Variants in SPNS2 observed in about 807,000 individuals in gnomAD.
SPNS2 encodes sphingosine-1-phosphate transporter SPNS2.
SPNS2 carries 37 observed loss-of-function variants against 57.6 expected under a neutral mutation model. The observed-to-expected ratio is 0.64, with a 90% confidence interval of 0.49 to 0.85. The LOEUF (loss-of-function observed/expected upper bound fraction) is 0.85. SPNS2 is among the 40% of genes least tolerant of loss of function. The pLI, the probability that SPNS2 is intolerant of heterozygous loss-of-function variation, is 0.00. For synonymous variants in SPNS2, 440 were observed against 346.9 expected, an observed-to-expected ratio of 1.27 and a Z score of -2.98; for missense variants, 831 against 779.1, an observed-to-expected ratio of 1.07 and a Z score of -0.79.
chr17:4,513,936 C>T (rs1239647255), intron 2 of SPNS2, among the ~76,000 whole-genome samples: 2 of 152,250 alleles, frequency 1.3e-5, no homozygotes, highest in Non-Finnish European at 2.9e-5. Context: ...CCTGAGCCCC[C>T]AGGCTGCTGG....
intron 1 of SPNS2, among the ~76,000 whole-genome samples, chr17:4,500,532 T>C (rs1416422488): frequency 6.6e-6 from 1 of 152,088 alleles, no homozygotes; most frequent in African/African-American, 2.4e-5. Flanking sequence ...CCTGGCATGC[T>C]GGCCCAGAAC....
intron 3 of SPNS2, among the ~76,000 whole-genome samples, chr17:4,528,878 A>G (rs558631512): frequency 3.4e-4 from 52 of 151,706 alleles, no homozygotes; most frequent in African/African-American, 8.5e-4. Flanking sequence ...GGCTCAACTG[A>G]TCCTCCTGTC....
chr17:4,499,460 C>T lies in SPNS2; in HGVS notation c.370+43C>T. On this transcript the variant is annotated intron_variant, in intron 1 of 12. Coordinates refer to ENST00000329078, the MANE Select transcript of SPNS2 (RefSeq NM_001124758.3). This position sits in a 1 kb window ranked among gnomAD's most constrained non-coding sequence, Gnocchi z 5.2. ...CCAGCCCGAGGACCAAGACCCCACC[C>T]CATCCCACCACCCGCCTCGAGGGAG... 8.2e-7 allele frequency: 1 copy of T among 1,218,544 alleles called. No individual in the cohort carries two copies. Among genetic ancestry groups the T allele is most frequent in the Non-Finnish European group, 1.1e-6 (1 of 948,342 alleles). 75.5% of individuals were successfully genotyped at this position (1,218,544 alleles called of 1,614,324 possible).
Position 4,499,437 on chromosome 17 carries a change from A to G in SPNS2, c.370+20A>G. 1.5e-6 allele frequency: 2 copies of G among 1,301,200 alleles called. No individual in the cohort carries two copies. The highest frequency in any genetic ancestry group is 2.0e-5 in the South Asian group (1 of 49,512). The allele number at this position is 1,301,200 out of a possible 1,614,324, so 80.6% of individuals were successfully genotyped here. A position where few individuals can be genotyped will look rare whatever the true frequency, so the allele number is the denominator to read the frequency against. ...TGGCAGGTGAGCGAGTGCCCCACCC[A>G]GCCCGAGGACCAAGACCCCACCCCA... On this transcript the variant is annotated intron_variant, in intron 1 of 12. Transcript: ENST00000329078. This position sits in a 1 kb window ranked among gnomAD's most constrained non-coding sequence, Gnocchi z 5.2.
intron 12 of SPNS2, 91 bp downstream of exon 12, chr17:4,537,037 C>T (rs1409612868): frequency 2.2e-6 from 3 of 1,374,904 alleles, no homozygotes; most frequent in Non-Finnish European, 3.1e-6. Flanking sequence ...TCCAGAGTCA[C>T]CTCCTACCCC....
In SPNS2 at chr17:4,512,098, A is replaced by T. The variant is rs1384727248; in HGVS notation, c.371-1149A>T. Among the ~76,000 whole-genome samples the T allele has an allele frequency of 1.3e-5, 2 of 152,220 alleles. No individual in the cohort carries two copies. The highest frequency in any genetic ancestry group is 4.8e-5 in the African/African-American group (2 of 41,450). Reference sequence around the variant, plus strand: ...AGTTCGGCAAACCATCATCTGTTGAATGCTGCCATCATCATCGTCATCATG... The same window carrying T: ...AGTTCGGCAAACCATCATCTGTTGATTGCTGCCATCATCATCGTCATCATG... On this transcript the variant is annotated intron_variant, in intron 1 of 12. Coordinates refer to ENST00000329078, the MANE Select transcript of SPNS2 (RefSeq NM_001124758.3). The surrounding 1 kb of genome is among the most constrained non-coding windows in gnomAD (Gnocchi z 5.2).
chr17:4,509,096 C>T (rs1239953374), intron 1 of SPNS2, among the ~76,000 whole-genome samples: 5 of 152,222 alleles, frequency 3.3e-5, no homozygotes, highest in Admixed American at 3.3e-4. Context: ...TCCTGGCTGA[C>T]TCCCAGGGTC....
At chr17:4,530,418 G>A (rs1905411187) in intron 3 of SPNS2, among the ~76,000 whole-genome samples, 1 of 152,168 alleles carries the variant, frequency 6.6e-6, no homozygotes, top group Admixed American at 6.5e-5. Flanking sequence ...CACTGGGCCG[G>A]CCAGGCCCCG....
intron 1 of SPNS2, among the ~76,000 whole-genome samples, chr17:4,505,816 C>T (rs1904661081): frequency 6.6e-6 from 1 of 152,152 alleles, no homozygotes; most frequent in Non-Finnish European, 1.5e-5. Flanking sequence ...AGGGTCCTGT[C>T]CTCCTGCCTC....
chr17:4,520,282 G>A (rs1454073474), intron 2 of SPNS2, among the ~76,000 whole-genome samples: 3 of 152,216 alleles, frequency 2.0e-5, no homozygotes, highest in African/African-American at 7.2e-5. Context: ...TGCAGTCCTG[G>A]GGACTTCTGC....
chr17:4,534,638 C>T (rs937203731), intron 9 of SPNS2, among the ~76,000 whole-genome samples: 1 of 152,138 alleles, frequency 6.6e-6, no homozygotes, highest in Non-Finnish European at 1.5e-5. Context: ...TTCGGGAAGC[C>T]TGCCTTACCC....
chr17:4,536,925 G>A lies in SPNS2; in HGVS notation c.1633G>A (p.Ala545Thr), dbSNP rs201619719. The A allele has an allele frequency of 3.3e-4, 528 of 1,613,598 alleles. 1 individual carries two copies. Among genetic ancestry groups the A allele is most frequent in the Middle Eastern group, 1.5e-3 (9 of 5,994 alleles). Reference protein sequence around the residue: ...QQVNQLAMPPASVKV With the variant: ...QQVNQLAMPPTSVKV ...GGTGAACCAGCTGGCGATGCCGCCC[G>A]CATCTGTGAAAGTCTGAGGTGGTGA... Residue 545 changes from alanine to threonine, a missense_variant, in exon 12 of 13, where the codon GCA (alanine) becomes ACA (threonine). By Grantham distance (58) the Ala-to-Thr change is moderately conservative. This residue lies in a region of SPNS2 where 526 missense variants were observed against 400.9 expected (regional missense o/e 1.31). Transcript: ENST00000329078.
At position 4,499,040 on chromosome 17, in the gene SPNS2, G is replaced by C; in HGVS notation, c.-8G>C. 1 of 1,003,526 alleles carries C rather than the reference G, an allele frequency of 1.0e-6. No individual in the cohort carries two copies. Among genetic ancestry groups the C allele is most frequent in the Non-Finnish European group, 1.2e-6 (1 of 843,848 alleles). 62.2% of individuals were successfully genotyped at this position (1,003,526 alleles called of 1,614,324 possible). On this transcript the variant is annotated 5_prime_UTR_variant, in exon 1 of 13. Transcript: ENST00000329078. The surrounding 1 kb of genome is among the most constrained non-coding windows in gnomAD (Gnocchi z 5.2). The stretch of plus-strand genomic sequence containing the variant: ...CCCGCGCCCCCCGCCGCCCCGATCC[G>C]GGCCGGCATGATGTGCCTGGAATGC...
chr17:4,536,300 C>T lies in SPNS2; in HGVS notation c.1481C>T (p.Pro494Leu), dbSNP rs373623953. 1.2e-4 allele frequency: 192 copies of T among 1,612,504 alleles called. No individual in the cohort carries two copies. Among genetic ancestry groups the T allele is most frequent in the East Asian group, 2.7e-4 (12 of 44,894 alleles). The part of the protein sequence containing the change: ...DLIRQSTKDS[P>L]LWEFLSLGYA... Reference sequence around the variant, plus strand: ...ATCCGCCAGAGCACTAAGGACTCCCCGCTCTGGGAGTTCCTGAGCCTGGGC... The same window carrying T: ...ATCCGCCAGAGCACTAAGGACTCCCTGCTCTGGGAGTTCCTGAGCCTGGGC... Residue 494 changes from proline to leucine, a missense_variant, in exon 11 of 13, where the codon CCG (proline) becomes CTG (leucine). Transcript: ENST00000329078.
intron 2 of SPNS2, among the ~76,000 whole-genome samples, chr17:4,523,410 C>T (rs1052485021): frequency 1.3e-5 from 2 of 152,198 alleles, no homozygotes. Flanking sequence ...TGCACTCCAG[C>T]TGCCTGAGCA....
chr17:4,516,185 A>C (rs1315536657), intron 2 of SPNS2, among the ~76,000 whole-genome samples: 1 of 152,018 alleles, frequency 6.6e-6, no homozygotes, highest in Admixed American at 6.5e-5. Flanking sequence ...GTGGTGGTGG[A>C]TGCCTGTAAT....
intron 3 of SPNS2, among the ~76,000 whole-genome samples, chr17:4,528,761 G>A (rs966789367): frequency 2.6e-5 from 4 of 151,870 alleles, no homozygotes; most frequent in African/African-American, 9.7e-5. Flanking sequence ...ACAGATGTGA[G>A]CCCACCATGC....
chr17:4,530,664 G>A lies in SPNS2; in HGVS notation c.606G>A (p.Leu202=). 1 of 1,613,490 alleles carries A rather than the reference G, an allele frequency of 6.2e-7. No homozygotes were observed. Among genetic ancestry groups the A allele is most frequent in the Non-Finnish European group, 8.5e-7 (1 of 1,179,826 alleles). ...GGCTGCTGGTCCTGTCCCGGGGGCT[G>A]GTGGGCATCGGGGAGGCCAGCTACT... ...YFWLLVLSRG[L]VGIGEASYST... The change falls in exon 4 of 13, where the codon CTG becomes CTA. Residue 202 remains leucine, a synonymous_variant. Transcript: ENST00000329078.
At chr17:4,505,948 G>A (rs570275406) in intron 1 of SPNS2, among the ~76,000 whole-genome samples, 42 of 152,330 alleles carry the variant, frequency 2.8e-4, no homozygotes, top group African/African-American at 9.4e-4. Flanking sequence ...CTTCCAAGAG[G>A]CAAAGAGCAG....
Sources: gnomAD v4.1 joint callset for allele counts (sites outside exome capture counted in the v4.1 genomes callset) on GRCh38, gnomAD v4.1.1 for gene constraint, gnomAD v4.1.1 regional missense constraint, Gnocchi (gnomAD v3.1) non-coding constraint, MANE v1.5 for transcripts, NCBI Gene and HGNC (gene_info 2026-07-23, HGNC 2026-07-21) for gene names.